Variants in TGIF1 observed in about 807,000 individuals in gnomAD.
TGIF1 encodes TGFB induced factor homeobox 1, also known as homeobox protein TGIF1.
A neutral mutation model predicts 19.3 loss-of-function variants in TGIF1; 4 were observed. The ratio of observed to expected loss-of-function variants is 0.21; its 90% CI spans 0.10 to 0.47. TGIF1 has a LOEUF of 0.47. Ranked by LOEUF, TGIF1 falls within the 20% of genes least tolerant of loss-of-function variation. The pLI is 0.98. For missense variants in TGIF1, 275 were observed against 341.4 expected (o/e 0.81, Z 1.53); for synonymous variants, 122 against 129.3 (o/e 0.94, Z 0.38).
rs552583098 is a variant in TGIF1 at position 3,434,141 on chromosome 18, G to A, written c.-45+15926G>A. On this transcript the variant is annotated intron_variant, in intron 2 of 3. Transcript: ENST00000401449. ...GCGCTGGCTCATGCCTATAATCTCAGCACTTTGGGAGGCTGAGGCAGGTGG... is the reference window on the plus strand; with the variant it reads ...GCGCTGGCTCATGCCTATAATCTCAACACTTTGGGAGGCTGAGGCAGGTGG... Among the ~76,000 whole-genome samples, 6 of 152,338 alleles carry A rather than the reference G, an allele frequency of 3.9e-5. No individual in the cohort carries two copies. The South Asian group carries it at 1.0e-3, about 26-fold the overall frequency.
At chr18:3,447,408 G>A (rs970147525), upstream of TGIF1, among the ~76,000 whole-genome samples, 12 of 149,980 alleles carry the variant, frequency 8.0e-5, no homozygotes, top group African/African-American at 2.9e-4. Flanking sequence ...AAGGCCCCGA[G>A]ACTGGAAGGG....
chr18:3,455,359 C>T (rs1212221427), intron 1 of TGIF1: 1 of 152,114 alleles, frequency 6.6e-6, no homozygotes, highest in Non-Finnish European at 1.5e-5. Context: ...CCCCGTCCAT[C>T]TGTGATTTAA....
At chr18:3,418,918 C>CATG (rs2082366301) in intron 2 of TGIF1, 1 of 152,126 alleles carries the variant, frequency 6.6e-6, no homozygotes, top group Non-Finnish European at 1.5e-5. Context: ...ATTAGATGGG[C>CATG]GTGATGGCAG....
At chr18:3,427,237 C>T (rs1423724883) in intron 2 of TGIF1, among the ~76,000 whole-genome samples, 1 of 152,108 alleles carries the variant, frequency 6.6e-6, no homozygotes, top group Non-Finnish European at 1.5e-5. Flanking sequence ...AGCCACCGCG[C>T]CCAGCCAATG....
At chr18:3,448,426 C>T, upstream of TGIF1, 1 of 993,776 alleles carries the variant, frequency 1.0e-6, no homozygotes, top group Non-Finnish European at 1.2e-6. Context: ...CCGGGCGCAG[C>T]AGCTGATTCA....
chr18:3,448,266 T>G, upstream of TGIF1: 3 of 985,374 alleles, frequency 3.0e-6, no homozygotes, highest in Non-Finnish European at 3.6e-6. Flanking sequence ...TCCTCCTCCC[T>G]GCGTCTCTCC....
upstream of TGIF1, among the ~76,000 whole-genome samples, chr18:3,446,121 A>G (rs2082742870): frequency 6.6e-6 from 1 of 152,192 alleles, no homozygotes; most frequent in Admixed American, 6.5e-5. Flanking sequence ...GTAAAGAATA[A>G]TACAGACACA....
Position 3,451,774 on chromosome 18 carries a change from T to G in TGIF1, c.16+1269T>G. On this transcript the variant is annotated intron_variant, in intron 1 of 2. Transcript: ENST00000343820. This position sits in a 1 kb window ranked among gnomAD's most constrained non-coding sequence, Gnocchi z 5.4. ...ACTCGGATCAACTGGCAGTCGTTGT[T>G]GGTAGAACGCCCTAAGGACCCCTCC... The G allele has an allele frequency of 1.6e-6, 2 of 1,257,910 alleles. No individual in the cohort carries two copies. The highest frequency in any genetic ancestry group is 2.0e-6 in the Non-Finnish European group (2 of 1,002,142). 77.9% of individuals were successfully genotyped at this position (1,257,910 alleles called of 1,614,324 possible).
chr18:3,456,202 G>A lies in TGIF1; in HGVS notation c.17-152G>A, dbSNP rs1441197546. On this transcript the variant is annotated intron_variant, in intron 1 of 2. Coordinates refer to ENST00000343820, the MANE Select transcript of TGIF1 (RefSeq NM_003244.4). The surrounding 1 kb of genome is among the most constrained non-coding windows in gnomAD (Gnocchi z 4.2). ...GTGCTAGTCAAACTACTTTTACTTG[G>A]ACCCTGAATTCAGGACAGAAAACAC... The A allele has an allele frequency of 3.0e-5, 25 of 820,236 alleles. 1 individual carries two copies. The highest frequency in any genetic ancestry group is 2.3e-4 in the South Asian group (17 of 72,466). The allele number at this position is 820,236 out of a possible 1,614,324, so 50.8% of individuals were successfully genotyped here. A position where few individuals can be genotyped will look rare whatever the true frequency, so the allele number is the denominator to read the frequency against.
At chr18:3,413,531 A>G (rs574268501) in intron 1 of TGIF1, among the ~76,000 whole-genome samples, 3 of 152,262 alleles carry the variant, frequency 2.0e-5, no homozygotes, top group African/African-American at 7.2e-5. Flanking sequence ...AGTTCTCTTC[A>G]TAGAGTCTAG....
chr18:3,452,186 G>C (rs150364699), intron 1 of TGIF1: 135 of 1,612,058 alleles, frequency 8.4e-5, no homozygotes, highest in Non-Finnish European at 2.5e-5. Context: ...CCTCCCTGGC[G>C]ACCCCCTCTG....
At chr18:3,452,746 C>G (rs1299462118) in intron 1 of TGIF1, among the ~76,000 whole-genome samples, 1 of 152,186 alleles carries the variant, frequency 6.6e-6, no homozygotes, top group East Asian at 1.9e-4. Context: ...TCTGGAAAGA[C>G]TCCTGAGGAA....
rs912017153 is a variant in TGIF1 at position 3,434,711 on chromosome 18, T to G, written c.-45+16496T>G. Among the ~76,000 whole-genome samples the G allele has an allele frequency of 6.6e-5, 10 of 152,088 alleles. No individual in the cohort carries two copies. In the East Asian group the frequency reaches 1.7e-3, roughly 26 times the overall value. On this transcript the variant is annotated intron_variant, in intron 2 of 3. Transcript: ENST00000401449. ...GTCTGGGCGACAGAGTGAGACTGTC[T>G]CAGAAAACGAAAATAAATAAGTAAA...
At chr18:3,447,869 C>A, upstream of TGIF1, 2 of 1,585,222 alleles carry the variant, frequency 1.3e-6, no homozygotes, top group South Asian at 1.1e-5. Context: ...CCCCTCCCCC[C>A]TTCTCCTGGA....
upstream of TGIF1, chr18:3,447,599 A>G (rs1598886703): frequency 1.1e-6 from 1 of 943,260 alleles, no homozygotes. Context: ...ACTCCAAACA[A>G]GTTTGAGATC....
In TGIF1 at chr18:3,451,799, C is replaced by T. The variant is rs977838500; in HGVS notation, c.16+1294C>T. 10 of 1,295,016 alleles carry T rather than the reference C, an allele frequency of 7.7e-6. No homozygotes were observed. In the East Asian group the frequency reaches 2.4e-4, roughly 31 times the overall value. The allele number at this position is 1,295,016 out of a possible 1,614,324, so 80.2% of individuals were successfully genotyped here. On this transcript the variant is annotated intron_variant, in intron 1 of 2. Coordinates refer to ENST00000343820, the MANE Select transcript of TGIF1 (RefSeq NM_003244.4). The surrounding 1 kb of genome is among the most constrained non-coding windows in gnomAD (Gnocchi z 5.4). ...TGGTAGAACGCCCTAAGGACCCCTC[C>T]CCGCGGGACGGAGGGAGGACTCGGG... is the stretch of plus-strand genomic sequence containing the variant.
chr18:3,431,415 G>A (rs1296949226), intron 2 of TGIF1, among the ~76,000 whole-genome samples: 2 of 152,154 alleles, frequency 1.3e-5, no homozygotes, highest in Non-Finnish European at 2.9e-5. Flanking sequence ...CAGTCTGGGC[G>A]ACAGGAGCGA....
chr18:3,435,739 ATG>A (rs2082606397), intron 2 of TGIF1, among the ~76,000 whole-genome samples: 1 of 152,192 alleles, frequency 6.6e-6, no homozygotes, highest in African/African-American at 2.4e-5. Flanking sequence ...CGGCCACAGA[ATG>A]TACGCATTTT....
At chr18:3,452,033 G>C (rs144435321) in intron 1 of TGIF1, 2 of 1,611,818 alleles carry the variant, frequency 1.2e-6, no homozygotes, top group Middle Eastern at 1.6e-4. Context: ...CGCATTGTTC[G>C]GGCTCCGGCG....
Sources: gnomAD v4.1 joint callset for allele counts (sites outside exome capture counted in the v4.1 genomes callset) on GRCh38, gnomAD v4.1.1 for gene constraint, Gnocchi (gnomAD v3.1) non-coding constraint, MANE v1.5 for transcripts, NCBI Gene and HGNC (gene_info 2026-07-23, HGNC 2026-07-21) for gene names.